The following ESAM variants were observed in gnomAD, a reference collection of about 807,000 sequenced individuals.
ESAM encodes endothelial cell adhesion molecule, also known as endothelial cell-selective adhesion molecule.
ESAM carries 23 observed loss-of-function variants against 31.8 expected under a neutral mutation model. The observed-to-expected ratio is 0.72, with a 90% CI of 0.52 to 1.03. The LOEUF is 1.03. Ranked by LOEUF, ESAM falls within the 50% of genes least tolerant of loss-of-function variation. The probability of loss-of-function intolerance (pLI) is 0.00; values close to 1 mark genes in which losing one functional copy is unlikely to be tolerated. For synonymous variants in ESAM, 216 were observed against 207.2 expected (o/e 1.04, Z -0.37); for missense variants, 478 against 488.9 (o/e 0.98, Z 0.21).
intron 1 of ESAM, among the ~76,000 whole-genome samples, chr11:124,761,434 A>G (rs2134464528): frequency 6.6e-6 from 1 of 151,908 alleles, no homozygotes; most frequent in African/African-American, 2.4e-5. Flanking sequence ...GGCTCTGGAA[A>G]CCAATAAGGG....
chr11:124,758,200 A>G, intron 2 of ESAM, 149 bp downstream of exon 2: 1 of 872,392 alleles, frequency 1.1e-6, no homozygotes, highest in Non-Finnish European at 1.7e-6. Context: ...TATCAGAACA[A>G]AAACTGAACT....
At position 124,754,802 on chromosome 11, in the gene ESAM, T is replaced by G; in HGVS notation, c.608-39A>C. 1 of 1,548,680 alleles carries G rather than the reference T, an allele frequency of 6.5e-7. No homozygotes were observed. The highest frequency in any genetic ancestry group is 8.7e-7 in the Non-Finnish European group (1 of 1,152,772). On this transcript the variant is annotated intron_variant, in intron 4 of 6. Coordinates refer to ENST00000278927, the MANE Select transcript of ESAM (RefSeq NM_138961.3). The surrounding 1 kb of genome is among the most constrained non-coding windows in gnomAD (Gnocchi z 4.5). ...TTAGCCATCAGTCCAGGGACCCTCTTTCCCATTAAAAAAAAAAAAAAATCT... is the reference window on the plus strand; with the variant it reads ...TTAGCCATCAGTCCAGGGACCCTCTGTCCCATTAAAAAAAAAAAAAAATCT...
Position 124,762,216 on chromosome 11 carries a change from G to A in ESAM, c.-62C>T. Reference sequence around the variant, plus strand: ...CCGCGGGACGCACGGACCTGCAGGTGCCGAGGCTGCGCGACGGCCGGAGCG... The same window carrying A: ...CCGCGGGACGCACGGACCTGCAGGTACCGAGGCTGCGCGACGGCCGGAGCG... On this transcript the variant is annotated 5_prime_UTR_variant, in exon 1 of 7. Coordinates refer to ENST00000278927, the MANE Select transcript of ESAM (RefSeq NM_138961.3). This position sits in a 1 kb window ranked among gnomAD's most constrained non-coding sequence, Gnocchi z 6.4. 1.5e-6 allele frequency: 2 copies of A among 1,347,862 alleles called. No homozygotes were observed. The highest frequency in any genetic ancestry group is 1.4e-5 in the South Asian group (1 of 71,150). The allele number at this position is 1,347,862 out of a possible 1,614,324, so 83.5% of individuals were successfully genotyped here.
rs1483186825 is a variant in ESAM, at chr11:124,754,391, C to T, written c.731-51G>A. ...GGACACCCAGCTGAGGGGTTCTCAC[C>T]CCTCTCCAATCCCACTCTCCCCACC... On this transcript the variant is annotated intron_variant, in intron 5 of 6. Coordinates refer to ENST00000278927, the MANE Select transcript of ESAM (RefSeq NM_138961.3). The surrounding 1 kb of genome is among the most constrained non-coding windows in gnomAD (Gnocchi z 4.5). 1.2e-6 allele frequency: 2 copies of T among 1,600,462 alleles called. No individual in the cohort carries two copies. The highest frequency in any genetic ancestry group is 1.3e-5 in the African/African-American group (1 of 74,594).
At position 124,754,076 on chromosome 11, in the gene ESAM, C is replaced by T. The variant is rs995492597; in HGVS notation, c.858-115G>A. The T allele has an allele frequency of 7.7e-6, 12 of 1,552,870 alleles. No individual in the cohort carries two copies. In the South Asian group the frequency reaches 1.1e-4, roughly 14 times the overall value. ...CCTGCACACTTCAGTACTCCTTTCCCTCTCCCTTAAAACCTGCCCATAGGA... is the reference window on the plus strand; with the variant it reads ...CCTGCACACTTCAGTACTCCTTTCCTTCTCCCTTAAAACCTGCCCATAGGA... On this transcript the variant is annotated intron_variant, in intron 6 of 6. Transcript: ENST00000278927. The surrounding 1 kb of genome is among the most constrained non-coding windows in gnomAD (Gnocchi z 4.5).
chr11:124,757,928 G>T (rs1944176232), intron 2 of ESAM, among the ~76,000 whole-genome samples: 1 of 152,026 alleles, frequency 6.6e-6, no homozygotes, highest in Admixed American at 6.6e-5. Context: ...CGAACTCTTG[G>T]CCTCAAGTGA....
chr11:124,758,695 G>A lies in ESAM; in HGVS notation c.71-168C>T, dbSNP rs117957857. Among the ~76,000 whole-genome samples the A allele has an allele frequency of 2.3e-3, 344 of 152,306 alleles. 6 individuals carry two copies. In the East Asian group the frequency reaches 0.052, roughly 23 times the overall value. Reference sequence around the variant, plus strand: ...CTCAAGGGGTGCCCAGGGACCACTGGCTCAGTGTCCTGCTTCCCATTTCAT... The same window carrying A: ...CTCAAGGGGTGCCCAGGGACCACTGACTCAGTGTCCTGCTTCCCATTTCAT... On this transcript the variant is annotated intron_variant, in intron 1 of 6. Transcript: ENST00000278927.
chr11:124,754,654 C>A lies in ESAM; in HGVS notation c.717G>T (p.Leu239=). The change falls in exon 5 of 7, where the codon CTG becomes CTT. Residue 239 remains leucine (L), a synonymous_variant. Coordinates refer to ENST00000278927, the MANE Select transcript of ESAM (RefSeq NM_138961.3). This position sits in a 1 kb window ranked among gnomAD's most constrained non-coding sequence, Gnocchi z 4.5. ...EVGTAQCNVT[L]EVSTGPGAAV... ...CCCCTCACTGACCTGTGCTCACTTC[C>A]AGCGTCACATTACATTGGGCAGTGC... 6.2e-7 allele frequency: 1 copy of A among 1,613,504 alleles called. No homozygotes were observed. The highest frequency in any genetic ancestry group is 8.5e-7 in the Non-Finnish European group (1 of 1,179,814).
Position 124,753,149 on chromosome 11 carries a change from T to G in ESAM, c.*497A>C, listed in dbSNP as rs1944112149. On this transcript the variant is annotated 3_prime_UTR_variant, in exon 7 of 7. Coordinates refer to ENST00000278927, the MANE Select transcript of ESAM (RefSeq NM_138961.3). ...TGTTTCTTATCTCATACAAACATTATGTATCTTTATTTAAATTTGCAAATG... is the reference window on the plus strand; with the variant it reads ...TGTTTCTTATCTCATACAAACATTAGGTATCTTTATTTAAATTTGCAAATG... 1 of 165,980 alleles carries G rather than the reference T, an allele frequency of 6.0e-6. No homozygotes were observed. Among genetic ancestry groups the G allele is most frequent in the Non-Finnish European group, 1.3e-5 (1 of 74,566 alleles). 10.3% of individuals were successfully genotyped at this position (165,980 alleles called of 1,614,324 possible).
Position 124,754,699 on chromosome 11 carries a change from G to A in ESAM, c.672C>T (p.Cys224=), listed in dbSNP as rs1944134807. ...CAGTGCCCACCTCATTGTGGGCCTT[G>A]CAGACATAGACTCCAGCCATGGAAG... is the stretch of plus-strand genomic sequence containing the variant. The part of the protein sequence containing the change: ...LSSSMAGVYV[C]KAHNEVGTAQ... The change falls in exon 5 of 7, where the codon TGC becomes TGT. Residue 224 remains cysteine, a synonymous_variant. Coordinates refer to ENST00000278927, the MANE Select transcript of ESAM (RefSeq NM_138961.3). The surrounding 1 kb of genome is among the most constrained non-coding windows in gnomAD (Gnocchi z 4.5). The A allele has an allele frequency of 3.7e-6, 6 of 1,614,116 alleles. No individual in the cohort carries two copies. The highest frequency in any genetic ancestry group is 5.1e-6 in the Non-Finnish European group (6 of 1,180,024).
rs1944203367 is a variant in ESAM at position 124,759,636 on chromosome 11, G to A, written c.71-1109C>T. 6.6e-6 allele frequency among the ~76,000 whole-genome samples: 1 copy of A among 152,254 alleles called. No individual in the cohort carries two copies. Among genetic ancestry groups the A allele is most frequent in the South Asian group, 2.1e-4 (1 of 4,838 alleles). On this transcript the variant is annotated intron_variant, in intron 1 of 6. Transcript: ENST00000278927. The surrounding 1 kb of genome is among the most constrained non-coding windows in gnomAD (Gnocchi z 6.8). ...GGAGAGCCAGGCTGAAGGCCTCTAA[G>A]GGCTGGGAGCCGATCCGGCCAGGAT...
In ESAM at chr11:124,754,885, C is replaced by T. The variant is rs1002538230; in HGVS notation, c.608-122G>A. The stretch of plus-strand genomic sequence containing the variant: ...CTGGGAGTCACGGCTTGTCTATTCC[C>T]TGATGGGGGGAGAGGTGTGACAGCT... On this transcript the variant is annotated intron_variant, in intron 4 of 6. Transcript: ENST00000278927. This position sits in a 1 kb window ranked among gnomAD's most constrained non-coding sequence, Gnocchi z 4.5. 17 of 1,310,814 alleles carry T rather than the reference C, an allele frequency of 1.3e-5. No homozygotes were observed. The South Asian group carries it at 2.3e-4, about 18-fold the overall frequency. 81.2% of individuals were successfully genotyped at this position (1,310,814 alleles called of 1,614,324 possible).
In ESAM at chr11:124,754,597, C is replaced by G. The variant is rs750916555; in HGVS notation, c.730+44G>C. ...CTCCTCCCCACTTGCAACCCCTCCCCCACCATTGACCACTCTTCTTAACCA... is the reference window on the plus strand; with the variant it reads ...CTCCTCCCCACTTGCAACCCCTCCCGCACCATTGACCACTCTTCTTAACCA... On this transcript the variant is annotated intron_variant, in intron 5 of 6. Coordinates refer to ENST00000278927, the MANE Select transcript of ESAM (RefSeq NM_138961.3). This position sits in a 1 kb window ranked among gnomAD's most constrained non-coding sequence, Gnocchi z 4.5. The G allele has an allele frequency of 6.3e-7, 1 of 1,585,578 alleles. No individual in the cohort carries two copies. The highest frequency in any genetic ancestry group is 1.8e-5 in the Admixed American group (1 of 57,030).
rs191941481 is a variant in ESAM at position 124,758,717 on chromosome 11, T to C, written c.71-190A>G. Among the ~76,000 whole-genome samples, 82 of 152,308 alleles carry C rather than the reference T, an allele frequency of 5.4e-4. 1 individual carries two copies. The East Asian group carries it at 0.014, about 26-fold the overall frequency. ...CTGGCTCAGTGTCCTGCTTCCCATT[T>C]CATCACGACTTCTCTCCACCGCCAG... On this transcript the variant is annotated intron_variant, in intron 1 of 6. Coordinates refer to ENST00000278927, the MANE Select transcript of ESAM (RefSeq NM_138961.3).
At position 124,754,514 on chromosome 11, in the gene ESAM, A is replaced by T; in HGVS notation, c.730+127T>A. On this transcript the variant is annotated intron_variant, in intron 5 of 6. Coordinates refer to ENST00000278927, the MANE Select transcript of ESAM (RefSeq NM_138961.3). The surrounding 1 kb of genome is among the most constrained non-coding windows in gnomAD (Gnocchi z 4.5). ...AGTCACTGACCAACCATTTGTACAA[A>T]CATTTGATCAGGGGAAGCTCCGTGC... 1 of 1,509,006 alleles carries T rather than the reference A, an allele frequency of 6.6e-7. No individual in the cohort carries two copies. Among genetic ancestry groups the T allele is most frequent in the Non-Finnish European group, 8.9e-7 (1 of 1,123,788 alleles). 93.5% of individuals were successfully genotyped at this position (1,509,006 alleles called of 1,614,324 possible).
In ESAM at chr11:124,757,785, C is replaced by T. The variant is rs182885634; in HGVS notation, c.249+564G>A. Among the ~76,000 whole-genome samples, 606 of 151,208 alleles carry T rather than the reference C, an allele frequency of 4.0e-3. 26 individuals are homozygous for T. The highest frequency in any genetic ancestry group is 0.035 in the Admixed American group (529 of 15,160). On this transcript the variant is annotated intron_variant, in intron 2 of 6. Transcript: ENST00000278927. ...GGATTTTGGCTCACTGCAACCTCCACCTTGTGGATTCAAGCAATTCTCTTG... is the reference window on the plus strand; with the variant it reads ...GGATTTTGGCTCACTGCAACCTCCATCTTGTGGATTCAAGCAATTCTCTTG...
rs745705646 is a variant in ESAM, at chr11:124,756,677, G to C, written c.315C>G (p.Pro105=). ...CCAGCCGCAGGGACAGGTTCCGGGAGGGCATGGAGTAGACCAAGGATACTC... is the reference window on the plus strand; with the variant it reads ...CCAGCCGCAGGGACAGGTTCCGGGACGGCATGGAGTAGACCAAGGATACTC... ...KPGVSLVYSM[P]SRNLSLRLEG... The change falls in exon 3 of 7, where the codon CCC becomes CCG. Residue 105 remains proline, a synonymous_variant. Coordinates refer to ENST00000278927, the MANE Select transcript of ESAM (RefSeq NM_138961.3). 9 of 1,614,056 alleles carry C rather than the reference G, an allele frequency of 5.6e-6. No homozygotes were observed. Among genetic ancestry groups the C allele is most frequent in the Admixed American group, 1.7e-5 (1 of 60,012 alleles).
At position 124,756,207 on chromosome 11, in the gene ESAM, C is replaced by G. The variant is rs1828578914; in HGVS notation, c.607G>C (p.Asp203His). Reference protein sequence around the residue: ...SFQTFFAPALDVIRGSLSLTN... With the variant: ...SFQTFFAPALHVIRGSLSLTN... ...CCACTGTTTCCAGTAGTGTCCTCAC[C>G]TAATGCTGGTGCAAAGAAAGTCTGG... The change falls in exon 4 of 7, where the codon GAT becomes CAT. Residue 203 changes from aspartate to histidine, a missense_variant and splice_region_variant. Physicochemically the swap from Asp to His is moderately conservative, Grantham distance 81. Transcript: ENST00000278927. 6.2e-7 allele frequency: 1 copy of G among 1,613,446 alleles called. No individual in the cohort carries two copies. The highest frequency in any genetic ancestry group is 1.3e-5 in the African/African-American group (1 of 74,888).
chr11:124,761,869 C>G (rs181301782), intron 1 of ESAM, among the ~76,000 whole-genome samples: 4 of 152,024 alleles, frequency 2.6e-5, no homozygotes, highest in Non-Finnish European at 5.9e-5. Flanking sequence ...GCCCTTACCT[C>G]CCCCCGCCAT....
Sources: gnomAD v4.1 joint callset for allele counts (sites outside exome capture counted in the v4.1 genomes callset) on GRCh38, gnomAD v4.1.1 for gene constraint, Gnocchi (gnomAD v3.1) non-coding constraint, MANE v1.5 for transcripts, NCBI Gene and HGNC (gene_info 2026-07-23, HGNC 2026-07-21) for gene names.